Variants in CACNA2D3 observed in about 807,000 individuals in gnomAD.
CACNA2D3 encodes calcium voltage-gated channel auxiliary subunit alpha2delta 3.
CACNA2D3 carries 60 observed loss-of-function variants against 160.6 expected under a neutral mutation model. That is an observed-to-expected ratio of 0.37 (90% confidence interval 0.30 to 0.46). The LOEUF (loss-of-function observed/expected upper bound fraction) is 0.46. Among genes scored for constraint, CACNA2D3 ranks in the 20% least tolerant of loss-of-function variants. The probability of loss-of-function intolerance (pLI) is 1.00; values close to 1 mark genes in which losing one functional copy is unlikely to be tolerated. For synonymous variants in CACNA2D3, 558 were observed against 492.9 expected (o/e 1.13, Z -1.75); for missense variants, 1,205 against 1,365.0 (o/e 0.88, Z 1.85).
intron 2 of CACNA2D3, among the ~76,000 whole-genome samples, chr3:54,235,411 G>C (rs4443211): frequency 0.022 from 3,366 of 152,272 alleles, 148 homozygotes; most frequent in East Asian, 0.13. Flanking sequence ...GAAGGCAAAG[G>C]GGGAGCCAGC....
intron 4 of CACNA2D3, among the ~76,000 whole-genome samples, chr3:54,413,404 A>C (rs1301466389): frequency 6.8e-6 from 1 of 147,172 alleles, no homozygotes; most frequent in African/African-American, 2.5e-5. Flanking sequence ...ATATCTATAT[A>C]TATCTATATA....
chr3:54,562,668 TA>T (rs1475498657), intron 5 of CACNA2D3, 131 bp from the exon 6 acceptor site: 2 of 719,868 alleles, frequency 2.8e-6, no homozygotes, highest in Non-Finnish European at 4.5e-6. Flanking sequence ...TTTTTGTGGC[TA>T]TAACTTCCTT....
intron 4 of CACNA2D3, among the ~76,000 whole-genome samples, chr3:54,499,182 C>T (rs1701249073): frequency 6.6e-6 from 1 of 152,098 alleles, no homozygotes; most frequent in Admixed American, 6.5e-5. Context: ...TTAGACACCA[C>T]TTCCAATGTA....
At chr3:54,647,407 C>T (rs994872634) in intron 11 of CACNA2D3, among the ~76,000 whole-genome samples, 2 of 152,176 alleles carry the variant, frequency 1.3e-5, no homozygotes, top group Admixed American at 6.5e-5. Context: ...TCTTGTGATT[C>T]TATGGGTTAA....
intron 17 of CACNA2D3, among the ~76,000 whole-genome samples, chr3:54,862,816 G>A (rs542119133): frequency 4.2e-4 from 64 of 152,244 alleles, no homozygotes; most frequent in African/African-American, 1.3e-3. Flanking sequence ...TTAACATTTT[G>A]TAGTGTTGAT....
intron 2 of CACNA2D3, among the ~76,000 whole-genome samples, chr3:54,299,926 T>C (rs56305246): frequency 0.15 from 22,530 of 152,226 alleles, 1,777 homozygotes; most frequent in East Asian, 0.3. Flanking sequence ...GAAAACCTTA[T>C]GGCTGATGAA....
intron 27 of CACNA2D3, among the ~76,000 whole-genome samples, chr3:54,915,921 A>G (rs1700650782): frequency 6.6e-6 from 1 of 152,198 alleles, no homozygotes; most frequent in African/African-American, 2.4e-5. Context: ...TTAGAAATCT[A>G]AAAGGATATA....
intron 5 of CACNA2D3, among the ~76,000 whole-genome samples, chr3:54,510,694 T>C (rs976918211): frequency 6.6e-6 from 1 of 152,186 alleles, no homozygotes; most frequent in Non-Finnish European, 1.5e-5. Flanking sequence ...TCCAGTGCTA[T>C]GAGTATCAGC....
chr3:54,886,164 C>CACAGTATAGCTCCAGTT, intron 23 of CACNA2D3, among the ~76,000 whole-genome samples: 1 of 151,934 alleles, frequency 6.6e-6, no homozygotes, highest in South Asian at 2.1e-4. Context: ...CCTATACTCT[C>CACAGTATAGCTCCAGTT]ACAGTTTGGG....
intron 27 of CACNA2D3, chr3:54,924,811 G>GA: frequency 6.2e-7 from 1 of 1,614,114 alleles, no homozygotes; most frequent in Non-Finnish European, 8.5e-7. Flanking sequence ...AAGGATGTGG[G>GA]AAGGTGGCTT....
intron 27 of CACNA2D3, among the ~76,000 whole-genome samples, chr3:54,921,475 A>G (rs185605181): frequency 2.6e-5 from 4 of 152,284 alleles, no homozygotes; most frequent in African/African-American, 7.2e-5. Context: ...ATCTGTGTGC[A>G]TATTTCTTTG....
intron 6 of CACNA2D3, among the ~76,000 whole-genome samples, chr3:54,564,763 A>G (rs56967279): frequency 6.4e-4 from 97 of 152,314 alleles, no homozygotes; most frequent in African/African-American, 2.3e-3. Flanking sequence ...GCCCTCATCC[A>G]GCTCCTTCTT....
At chr3:54,745,746 A>G (rs577881849) in intron 11 of CACNA2D3, among the ~76,000 whole-genome samples, 2 of 152,306 alleles carry the variant, frequency 1.3e-5, no homozygotes, top group South Asian at 4.1e-4. Context: ...AACAAAACAC[A>G]TGGCCATAGA....
intron 4 of CACNA2D3, among the ~76,000 whole-genome samples, chr3:54,475,777 A>G (rs1700817892): frequency 7.6e-6 from 1 of 131,924 alleles, no homozygotes; most frequent in Non-Finnish European, 1.7e-5. Context: ...TACATTACAA[A>G]TAACATATCC....
intron 2 of CACNA2D3, among the ~76,000 whole-genome samples, chr3:54,142,729 A>G (rs891963989): frequency 2.6e-5 from 4 of 152,178 alleles, no homozygotes; most frequent in African/African-American, 4.8e-5. Flanking sequence ...ATTACCATCC[A>G]TATTTAACTG....
intron 9 of CACNA2D3, among the ~76,000 whole-genome samples, chr3:54,595,244 C>T (rs1008537928): frequency 2.6e-5 from 4 of 151,848 alleles, no homozygotes; most frequent in South Asian, 4.2e-4. Context: ...GGGAATCTCT[C>T]GAGGTTGTTT....
intron 27 of CACNA2D3, among the ~76,000 whole-genome samples, chr3:54,949,566 T>C (rs1163209394): frequency 6.6e-6 from 1 of 152,180 alleles, no homozygotes; most frequent in Admixed American, 6.5e-5. Context: ...ATCTACCCAT[T>C]GATGCCATAC....
chr3:54,465,396 T>C (rs1700603610), intron 4 of CACNA2D3, among the ~76,000 whole-genome samples: 1 of 152,242 alleles, frequency 6.6e-6, no homozygotes, highest in Non-Finnish European at 1.5e-5. Flanking sequence ...TTGTTATTTT[T>C]ATTAGTTATT....
intron 23 of CACNA2D3, among the ~76,000 whole-genome samples, chr3:54,887,049 C>A (rs1219332928): frequency 6.6e-6 from 1 of 151,022 alleles, no homozygotes; most frequent in Non-Finnish European, 1.5e-5. Context: ...CCTAGACTTA[C>A]CATGTCCTCT....
Sources: gnomAD v4.1 joint callset for allele counts (sites outside exome capture counted in the v4.1 genomes callset) on GRCh38, gnomAD v4.1.1 for gene constraint, MANE v1.5 for transcripts, NCBI Gene and HGNC (gene_info 2026-07-23, HGNC 2026-07-21) for gene names.